TRPM3: variants seen among roughly 807,000 people sequenced by gnomAD.
TRPM3 encodes long transient receptor potential channel 3.
A neutral mutation model predicts 181.2 loss-of-function variants in TRPM3; 77 were observed. The observed-to-expected ratio is 0.42, with a 90% CI of 0.35 to 0.51. The LOEUF is 0.51. TRPM3 is among the 20% of genes least tolerant of loss of function. TRPM3 has a pLI of 0.01. For missense variants in TRPM3, 1,759 were observed against 2,196.7 expected, an observed-to-expected ratio of 0.80 and a Z score of 3.98; for synonymous variants, 745 against 796.4, an observed-to-expected ratio of 0.94 and a Z score of 1.09.
intron 1 of TRPM3, among the ~76,000 whole-genome samples, chr9:70,914,509 C>T (rs543196250): frequency 9.9e-5 from 15 of 152,246 alleles, no homozygotes; most frequent in Admixed American, 2.6e-4. Context: ...CAGTGATGGA[C>T]GCTGAAGCAG....
chr9:71,055,764 G>A (rs1421454467), intron 1 of TRPM3, among the ~76,000 whole-genome samples: 1 of 151,944 alleles, frequency 6.6e-6, no homozygotes, highest in East Asian at 1.9e-4. Context: ...GTATCTTTCT[G>A]AGTTCATAAA....
At chr9:70,783,498 C>A (rs1328142) in intron 7 of TRPM3, among the ~76,000 whole-genome samples, 31,392 of 151,930 alleles carry the variant, frequency 0.21, 3,633 homozygotes, top group African/African-American at 0.32. Context: ...GGGTTGGGGG[C>A]TTTGGGCTGT....
At chr9:71,030,556 A>T (rs1019770564) in intron 1 of TRPM3, among the ~76,000 whole-genome samples, 243 of 151,646 alleles carry the variant, frequency 1.6e-3, no homozygotes, top group African/African-American at 5.5e-3. Context: ...CAGAGTGAGA[A>T]GTGAGACCCC....
At chr9:70,686,825 C>CT (rs541527387) in intron 8 of TRPM3, among the ~76,000 whole-genome samples, 15,951 of 74,888 alleles carry the variant, frequency 0.21, 3,319 homozygotes, top group South Asian at 0.29. Flanking sequence ...TTTTCTTTTT[C>CT]TTTTTTTTTT....
intron 1 of TRPM3, among the ~76,000 whole-genome samples, chr9:71,021,643 A>G (rs1002644231): frequency 6.6e-6 from 1 of 152,204 alleles, no homozygotes; most frequent in African/African-American, 2.4e-5. Flanking sequence ...AACAATGTAA[A>G]TGTTGAAAAG....
At chr9:71,024,615 C>A (rs1292593987) in intron 1 of TRPM3, among the ~76,000 whole-genome samples, 1 of 152,150 alleles carries the variant, frequency 6.6e-6, no homozygotes, top group Non-Finnish European at 1.5e-5. Flanking sequence ...GGCAAGTTAT[C>A]GAAACTTCTC....
intron 1 of TRPM3, among the ~76,000 whole-genome samples, chr9:70,969,581 T>C (rs1453193769): frequency 6.8e-6 from 1 of 146,472 alleles, no homozygotes. Context: ...TTTAACTTCT[T>C]AGGCTTTATA....
intron 1 of TRPM3, among the ~76,000 whole-genome samples, chr9:71,340,636 C>A (rs2090898319): frequency 6.6e-6 from 1 of 152,090 alleles, no homozygotes; most frequent in African/African-American, 2.4e-5. Flanking sequence ...AAACCTCTTT[C>A]TTTTAGAAAT....
intron 1 of TRPM3, among the ~76,000 whole-genome samples, chr9:70,904,356 ACT>A (rs2096432487): frequency 1.3e-5 from 2 of 152,206 alleles, no homozygotes; most frequent in Admixed American, 1.3e-4. Flanking sequence ...CTGTGAAGTT[ACT>A]TATTTTTAAT....
chr9:70,898,190 T>C (rs1342875129), intron 1 of TRPM3, among the ~76,000 whole-genome samples: 3 of 151,334 alleles, frequency 2.0e-5, no homozygotes, highest in Non-Finnish European at 4.4e-5. Context: ...TGGCGCGATC[T>C]CGGCTCACTG....
chr9:71,197,699 C>G (rs1234909830), intron 1 of TRPM3, among the ~76,000 whole-genome samples: 3 of 151,856 alleles, frequency 2.0e-5, no homozygotes, highest in African/African-American at 7.3e-5. Flanking sequence ...ATTTCCTTCG[C>G]CCACTTTTTG....
chr9:70,541,848 T>A (rs12350373), intron 25 of TRPM3, among the ~76,000 whole-genome samples: 64,814 of 151,934 alleles, frequency 0.43, 14,150 homozygotes, highest in Middle Eastern at 0.51. Context: ...TGAGGCTGGG[T>A]ACAGTGGCTC....
Position 70,536,836 on chromosome 9 carries a change from A to G in TRPM3, c.4277T>C (p.Ile1426Thr), listed in dbSNP as rs769831095. 43 of 1,614,082 alleles carry G rather than the reference A, an allele frequency of 2.7e-5. No homozygotes were observed. Among genetic ancestry groups the G allele is most frequent in the Admixed American group, 3.3e-5 (2 of 60,010 alleles). The change falls in exon 26 of 26, where the codon ATA becomes ACA. Residue 1426 changes from isoleucine (I) to threonine (T), a missense_variant. Physicochemically the swap from Ile to Thr is moderately conservative, Grantham distance 89. Around this residue, in one of 8 missense-constraint regions of TRPM3, gnomAD observed 612 missense variants for 590.0 expected, o/e 1.04. Coordinates refer to ENST00000677713, the MANE Select transcript of TRPM3 (RefSeq NM_001366145.2). The part of the protein sequence containing the change: ...VSAMDELHCD[I>T]DPLDNSVNIL... ...GTTCACGGAATTGTCCAGAGGGTCT[A>G]TATCACAGTGGAGCTCATCCATAGC...
intron 1 of TRPM3, among the ~76,000 whole-genome samples, chr9:70,904,685 A>G (rs182221011): frequency 9.1e-4 from 138 of 152,348 alleles, no homozygotes; most frequent in South Asian, 1.7e-3. Flanking sequence ...TGTTATACTT[A>G]GTTTAAGAAG....
chr9:71,031,958 AT>A (rs200393615), intron 1 of TRPM3, among the ~76,000 whole-genome samples: 73,506 of 79,258 alleles, frequency 0.93, 34,444 homozygotes, highest in East Asian at 1. Context: ...TATATATATA[AT>A]TATATATATA....
At chr9:71,280,513 GA>G (rs199539385) in intron 1 of TRPM3, among the ~76,000 whole-genome samples, 2 of 148,970 alleles carry the variant, frequency 1.3e-5, no homozygotes, top group Non-Finnish European at 3.0e-5. Context: ...GGCCATCTCA[GA>G]AAAAAAAAGA....
chr9:70,970,765 A>T (rs2133918245), intron 1 of TRPM3, among the ~76,000 whole-genome samples: 1 of 152,296 alleles, frequency 6.6e-6, no homozygotes, highest in East Asian at 1.9e-4. Context: ...CCTAATAACC[A>T]GCTGGAAAGA....
intron 1 of TRPM3, among the ~76,000 whole-genome samples, chr9:70,992,781 T>A (rs917525328): frequency 1.3e-5 from 2 of 152,126 alleles, no homozygotes; most frequent in African/African-American, 4.8e-5. Context: ...AATAGGAGTG[T>A]GAATAAATAA....
At chr9:70,652,296 G>T (rs1336248286) in intron 9 of TRPM3, among the ~76,000 whole-genome samples, 1 of 152,020 alleles carries the variant, frequency 6.6e-6, no homozygotes, top group Non-Finnish European at 1.5e-5. Context: ...AATTTGAAGT[G>T]CTAAGTGACA....
Sources: allele counts gnomAD v4.1 joint callset (sites outside exome capture counted in the v4.1 genomes callset), GRCh38; gene constraint gnomAD v4.1.1; regional missense constraint gnomAD v4.1.1; transcripts MANE v1.5; gene names NCBI Gene and HGNC (gene_info 2026-07-23, HGNC 2026-07-21).